RHEB: variants seen among roughly 807,000 people sequenced by gnomAD.
The protein encoded by RHEB is Ras homolog, mTORC1 binding.
In RHEB, 2 loss-of-function variants were observed where a neutral mutation model predicts 28.8. That is an observed-to-expected ratio of 0.07 (90% CI 0.03 to 0.22). The LOEUF is 0.22. Ranked by LOEUF, RHEB falls within the 10% of genes least tolerant of loss-of-function variation. The pLI is 1.00. For missense variants in RHEB, 76 were observed against 219.9 expected (o/e 0.35, Z 4.14); for synonymous variants, 69 against 77.3 (o/e 0.89, Z 0.56).
In RHEB at chr7:151,503,253, G is replaced by A; in HGVS notation, c.53-12239C>T. 3 of 784,236 alleles carry A rather than the reference G, an allele frequency of 3.8e-6. No homozygotes were observed. The Admixed American group carries it at 5.1e-5, about 13-fold the overall frequency. 48.6% of individuals were successfully genotyped at this position (784,236 alleles called of 1,614,324 possible). A position where few individuals can be genotyped will look rare whatever the true frequency, so the allele number is the denominator to read the frequency against. ...ACAAAGAGACCGGACAGGAACATGAGCTTATCGAGAGCATGCCCCTGTTGG... is the reference window on the plus strand; with the variant it reads ...ACAAAGAGACCGGACAGGAACATGAACTTATCGAGAGCATGCCCCTGTTGG... On this transcript the variant is annotated intron_variant, in intron 1 of 7. Coordinates refer to ENST00000262187, the MANE Select transcript of RHEB (RefSeq NM_005614.4).
chr7:151,514,364 T>C (rs1001442519), intron 1 of RHEB, among the ~76,000 whole-genome samples: 1 of 151,868 alleles, frequency 6.6e-6, no homozygotes, highest in Admixed American at 6.6e-5. Context: ...AGGAGAAAAA[T>C]AGATATATCG....
chr7:151,498,477 A>T (rs1030837674), intron 1 of RHEB, among the ~76,000 whole-genome samples: 11 of 152,078 alleles, frequency 7.2e-5, no homozygotes, highest in Admixed American at 3.9e-4. Context: ...ACAAAAAAAA[A>T]TTAGCAGGGT....
chr7:151,481,074 C>T (rs1385176744), intron 3 of RHEB, among the ~76,000 whole-genome samples: 3 of 151,776 alleles, frequency 2.0e-5, no homozygotes, highest in Admixed American at 1.3e-4. Flanking sequence ...CTCCCACAAG[C>T]TTAACGTTCC....
intron 1 of RHEB, among the ~76,000 whole-genome samples, chr7:151,499,916 C>G (rs2150933572): frequency 1.3e-5 from 2 of 152,306 alleles, no homozygotes; most frequent in South Asian, 4.1e-4. Context: ...TGAAGGGATC[C>G]TCTTGTCTCA....
At chr7:151,485,407 T>G (rs1802453146) in intron 2 of RHEB, among the ~76,000 whole-genome samples, 1 of 152,202 alleles carries the variant, frequency 6.6e-6, no homozygotes, top group Non-Finnish European at 1.5e-5. Context: ...TTGAATAACT[T>G]CCGGAAAAGT....
At chr7:151,496,260 A>G (rs1303498188) in intron 1 of RHEB, among the ~76,000 whole-genome samples, 2 of 152,122 alleles carry the variant, frequency 1.3e-5, no homozygotes, top group African/African-American at 4.8e-5. Context: ...TCCTGAGCAC[A>G]CCAAGAAGTG....
Position 151,491,003 on chromosome 7 carries a change from A to G in RHEB, c.64T>C (p.Leu22=), listed in dbSNP as rs747786226. 27 of 1,611,154 alleles carry G rather than the reference A, an allele frequency of 1.7e-5. No homozygotes were observed. The highest frequency in any genetic ancestry group is 2.7e-5 in the African/African-American group (2 of 74,862). The change falls in exon 2 of 8, where the codon TTG becomes CTG. Residue 22 remains leucine, a synonymous_variant. Coordinates refer to ENST00000262187, the MANE Select transcript of RHEB (RefSeq NM_005614.4). The part of the protein sequence containing the change: ...LGYRSVGKSS[L]TIQFVEGQFV... ...TGGCCTTCAACAAATTGAATCGTCAATGAGGATTTCCCTATAAAAGAGAAC... is the reference window on the plus strand; with the variant it reads ...TGGCCTTCAACAAATTGAATCGTCAGTGAGGATTTCCCTATAAAAGAGAAC...
intron 2 of RHEB, among the ~76,000 whole-genome samples, chr7:151,485,523 A>G (rs969010156): frequency 1.3e-5 from 2 of 152,206 alleles, no homozygotes; most frequent in African/African-American, 4.8e-5. Context: ...TCTGACAAGG[A>G]AGTGGAACAG....
intron 1 of RHEB, among the ~76,000 whole-genome samples, chr7:151,506,675 A>G (rs1387763801): frequency 6.6e-6 from 1 of 152,240 alleles, no homozygotes; most frequent in African/African-American, 2.4e-5. Context: ...TATTTCAACT[A>G]AAGCCTCAAA....
rs1020666724 is a variant in RHEB at position 151,502,807 on chromosome 7, T to C, written c.53-11793A>G. On this transcript the variant is annotated intron_variant, in intron 1 of 7. Transcript: ENST00000262187. ...GCAGAGACTGCTGTGCAGCTATTTC[T>C]GGGGACAAAGTGAATGTGGCTGGTC... 10 of 1,357,210 alleles carry C rather than the reference T, an allele frequency of 7.4e-6. No homozygotes were observed. In the African/African-American group the frequency reaches 1.4e-4, roughly 19 times the overall value. The allele number at this position is 1,357,210 out of a possible 1,614,324, so 84.1% of individuals were successfully genotyped here. A position where few individuals can be genotyped will look rare whatever the true frequency, so the allele number is the denominator to read the frequency against.
At chr7:151,487,948 G>T (rs530691900) in intron 2 of RHEB, among the ~76,000 whole-genome samples, 1 of 152,184 alleles carries the variant, frequency 6.6e-6, no homozygotes, top group Non-Finnish European at 1.5e-5. Flanking sequence ...AGTGTGGTGA[G>T]GGCTCTTCAT....
chr7:151,496,380 T>A (rs1007274312), intron 1 of RHEB, among the ~76,000 whole-genome samples: 1 of 152,110 alleles, frequency 6.6e-6, no homozygotes, highest in Non-Finnish European at 1.5e-5. Flanking sequence ...CATCATCTAA[T>A]CCAAACCATC....
intron 3 of RHEB, among the ~76,000 whole-genome samples, chr7:151,484,409 A>G (rs1040673769): frequency 2.0e-5 from 3 of 152,222 alleles, no homozygotes; most frequent in African/African-American, 7.2e-5. Context: ...ACTGCCAGAA[A>G]TGTCTTAGAA....
chr7:151,481,989 C>T (rs575778346), intron 3 of RHEB, among the ~76,000 whole-genome samples: 7 of 152,240 alleles, frequency 4.6e-5, no homozygotes, highest in Non-Finnish European at 1.0e-4. Flanking sequence ...CATATTCCAA[C>T]TTGATAAGTA....
chr7:151,502,028 G>T (rs565072126), intron 1 of RHEB: 11 of 464,754 alleles, frequency 2.4e-5, no homozygotes, highest in African/African-American at 1.4e-4. Flanking sequence ...CTGAGGTCAG[G>T]AGTTCAAGAC....
At chr7:151,489,211 T>C (rs1320014833) in intron 2 of RHEB, among the ~76,000 whole-genome samples, 5 of 152,226 alleles carry the variant, frequency 3.3e-5, no homozygotes, top group African/African-American at 1.2e-4. Flanking sequence ...AAAATGAACC[T>C]TATTATTTCA....
rs904684121 is a variant in RHEB, at chr7:151,468,686, C to A, written c.463-1475G>T. On this transcript the variant is annotated intron_variant, in intron 7 of 7. Transcript: ENST00000262187. This position sits in a 1 kb window ranked among gnomAD's most constrained non-coding sequence, Gnocchi z 4.3. Reference sequence around the variant, plus strand: ...ACATCCTCCATCCACCAAGCTGACCCACCCACTTGAATGTGGGCTCCCATC... The same window carrying A: ...ACATCCTCCATCCACCAAGCTGACCAACCCACTTGAATGTGGGCTCCCATC... Among the ~76,000 whole-genome samples, 1 of 152,228 alleles carries A rather than the reference C, an allele frequency of 6.6e-6. No homozygotes were observed.
At chr7:151,516,665 A>G (rs999702899) in intron 1 of RHEB, among the ~76,000 whole-genome samples, 9 of 151,944 alleles carry the variant, frequency 5.9e-5, no homozygotes, top group African/African-American at 1.9e-4. Context: ...TAGTTAAACA[A>G]ACATAGCACT....
intron 4 of RHEB, among the ~76,000 whole-genome samples, chr7:151,474,178 GTTTT>G (rs1000859226): frequency 1.9e-5 from 2 of 104,284 alleles, no homozygotes; most frequent in African/African-American, 3.5e-5. Context: ...AACCAGTGTT[GTTTT>G]TTTGTTTTTT....
Sources: gnomAD v4.1 joint callset for allele counts (sites outside exome capture counted in the v4.1 genomes callset) on GRCh38, gnomAD v4.1.1 for gene constraint, Gnocchi (gnomAD v3.1) non-coding constraint, MANE v1.5 for transcripts, NCBI Gene and HGNC (gene_info 2026-07-23, HGNC 2026-07-21) for gene names.